Variants in NAT1 observed in about 807,000 individuals in gnomAD.
The protein encoded by NAT1 is arylamine N-acetyltransferase 1.
For missense variants in NAT1, 400 were observed against 339.2 expected (o/e 1.18, Z -1.41); for synonymous variants, 144 against 122.6 (o/e 1.17, Z -1.16).
Position 18,215,607 on chromosome 8 carries a change from C to T in NAT1, c.-85-3804C>T, listed in dbSNP as rs1804573906. Among the ~76,000 whole-genome samples the T allele has an allele frequency of 2.6e-5, 4 of 152,116 alleles. No individual in the cohort carries two copies. The South Asian group carries it at 8.3e-4, about 32-fold the overall frequency. On this transcript the variant is annotated intron_variant, in intron 1 of 2. Transcript: ENST00000307719. Reference sequence around the variant, plus strand: ...GTTTATTTCACATGGTCCATAGCCCCAGATACCTGTACAATTTTTTTTTTC... The same window carrying T: ...GTTTATTTCACATGGTCCATAGCCCTAGATACCTGTACAATTTTTTTTTTC...
chr8:18,216,916 AG>A, intron 1 of NAT1: 1 of 1,551,286 alleles, frequency 6.4e-7, no homozygotes, highest in South Asian at 1.2e-5. Context: ...CTCTTACACA[AG>A]GAGGCAGCCC....
chr8:18,203,216 T>C (rs1211199608), intron 2 of NAT1, among the ~76,000 whole-genome samples: 2 of 152,236 alleles, frequency 1.3e-5, no homozygotes, highest in Non-Finnish European at 2.9e-5. Context: ...GAAAGAGCTC[T>C]AATTAATTGG....
chr8:18,187,727 C>A (rs9969561), intron 2 of NAT1, among the ~76,000 whole-genome samples: 1 of 151,524 alleles, frequency 6.6e-6, no homozygotes, highest in South Asian at 2.1e-4. Context: ...GAGAAAAAAA[C>A]GGGATAAGGA....
intron 2 of NAT1, 84 bp downstream of exon 2, chr8:18,219,573 A>C (rs1287138355): frequency 7.1e-6 from 5 of 707,640 alleles, no homozygotes; most frequent in Non-Finnish European, 9.6e-6. Context: ...TTTATGATCA[A>C]GATGAAAGGG....
chr8:18,192,485 A>C (rs973050723), intron 2 of NAT1, among the ~76,000 whole-genome samples: 3 of 152,234 alleles, frequency 2.0e-5, no homozygotes, highest in African/African-American at 7.2e-5. Flanking sequence ...CCATCCCATT[A>C]CTGGGTATAT....
chr8:18,205,562 G>C (rs1387754623), upstream of NAT1, among the ~76,000 whole-genome samples: 1 of 152,170 alleles, frequency 6.6e-6, no homozygotes, highest in African/African-American at 2.4e-5. Context: ...GGTTTGCGGA[G>C]GGAGGAGTGG....
intron 2 of NAT1, among the ~76,000 whole-genome samples, chr8:18,174,932 C>G (rs1589047636): frequency 6.6e-6 from 1 of 152,094 alleles, no homozygotes; most frequent in African/African-American, 2.4e-5. Context: ...CTCCCCACAC[C>G]TCTGGGCAAC....
chr8:18,177,762 G>C (rs988109398), intron 2 of NAT1, among the ~76,000 whole-genome samples: 25 of 152,102 alleles, frequency 1.6e-4, no homozygotes, highest in African/African-American at 6.0e-4. Context: ...TTCAGTTTTA[G>C]ATTACGCAGG....
At chr8:18,192,589 C>T (rs932753147) in intron 2 of NAT1, among the ~76,000 whole-genome samples, 1 of 152,000 alleles carries the variant, frequency 6.6e-6, no homozygotes, top group Admixed American at 6.6e-5. Flanking sequence ...TGGAACCAAC[C>T]CAAATGTCCA....
intron 1 of NAT1, among the ~76,000 whole-genome samples, chr8:18,218,682 C>T (rs1453786672): frequency 1.3e-5 from 2 of 152,070 alleles, no homozygotes; most frequent in Non-Finnish European, 2.9e-5. Flanking sequence ...AACTTGTGGG[C>T]AAAATATGGG....
At chr8:18,170,686 C>T (rs1187476024) in exon 2 of NAT1, 1 of 152,108 alleles carries the variant, frequency 6.6e-6, no homozygotes, top group Non-Finnish European at 1.5e-5. Flanking sequence ...CAGATTGACC[C>T]AGTCGACAGG....
intron 2 of NAT1, among the ~76,000 whole-genome samples, chr8:18,180,621 T>C (rs1229455320): frequency 5.9e-5 from 9 of 152,150 alleles, no homozygotes; most frequent in Admixed American, 5.2e-4. Flanking sequence ...TATTAAGATA[T>C]GATATAGTAC....
At chr8:18,194,526 G>A (rs1315614587) in intron 2 of NAT1, among the ~76,000 whole-genome samples, 1 of 151,934 alleles carries the variant, frequency 6.6e-6, no homozygotes, top group Non-Finnish European at 1.5e-5. Context: ...CCTTGAGCAG[G>A]AGACTTAAGG....
chr8:18,180,540 C>T (rs1802473274), intron 2 of NAT1, among the ~76,000 whole-genome samples: 1 of 152,044 alleles, frequency 6.6e-6, no homozygotes, highest in African/African-American at 2.4e-5. Flanking sequence ...CCTTATTTGG[C>T]TTTGATACTA....
At chr8:18,191,986 A>C (rs1317563328) in intron 2 of NAT1, among the ~76,000 whole-genome samples, 1 of 151,994 alleles carries the variant, frequency 6.6e-6, no homozygotes, top group Non-Finnish European at 1.5e-5. Context: ...AAAATTGACA[A>C]ATGGGATCTA....
At chr8:18,219,711 A>G (rs1371816648) in intron 2 of NAT1, among the ~76,000 whole-genome samples, 1 of 152,220 alleles carries the variant, frequency 6.6e-6, no homozygotes, top group African/African-American at 2.4e-5. Flanking sequence ...CAACGTTAAT[A>G]ATGCACAATT....
intron 2 of NAT1, among the ~76,000 whole-genome samples, chr8:18,191,499 T>C (rs1406186783): frequency 4.6e-5 from 7 of 151,964 alleles, no homozygotes; most frequent in Non-Finnish European, 7.4e-5. Flanking sequence ...TACTTTAAAG[T>C]TCATATGGAA....
At chr8:18,191,152 T>C (rs116498693) in intron 2 of NAT1, among the ~76,000 whole-genome samples, 5 of 152,320 alleles carry the variant, frequency 3.3e-5, no homozygotes, top group African/African-American at 1.2e-4. Context: ...ATGGATCAAA[T>C]ATTAAAGTCT....
chr8:18,214,428 A>G (rs1804426575), intron 1 of NAT1, among the ~76,000 whole-genome samples: 1 of 152,182 alleles, frequency 6.6e-6, no homozygotes, highest in South Asian at 2.1e-4. Context: ...TCCCTTCAAT[A>G]CTTTGAAGAT....
Sources: allele counts gnomAD v4.1 joint callset (sites outside exome capture counted in the v4.1 genomes callset), GRCh38; gene constraint gnomAD v4.1.1; transcripts MANE v1.5; gene names NCBI Gene and HGNC (gene_info 2026-07-23, HGNC 2026-07-21).